The following NOL11 variants were observed in gnomAD, a reference collection of about 807,000 sequenced individuals.
NOL11 encodes nucleolar protein 11.
NOL11 carries 42 observed loss-of-function variants against 93.0 expected under a neutral mutation model. That is an observed-to-expected ratio of 0.45 (90% CI 0.35 to 0.58). The LOEUF is 0.58. NOL11 is among the 20% of genes least tolerant of loss of function. The pLI is 0.00. For synonymous variants in NOL11, 296 were observed against 293.7 expected, an observed-to-expected ratio of 1.01 and a Z score of -0.08; for missense variants, 775 against 841.8, an observed-to-expected ratio of 0.92 and a Z score of 0.98.
rs1053455681 is a variant in NOL11 at position 67,735,891 on chromosome 17, T to G, written c.931-9T>G. On this transcript the variant is annotated splice_polypyrimidine_tract_variant and intron_variant, in intron 8 of 17. Coordinates refer to ENST00000253247, the MANE Select transcript of NOL11 (RefSeq NM_015462.5). ...AATTTGCTTATGTTTTTGATAACTT[T>G]TTTTGTAGCTCTGGTATTATGGAGA... 2.0e-5 allele frequency: 32 copies of G among 1,597,716 alleles called. No homozygotes were observed. The highest frequency in any genetic ancestry group is 2.5e-5 in the Non-Finnish European group (29 of 1,174,774).
Position 67,724,072 on chromosome 17 carries a change from G to T in NOL11, c.543G>T (p.Val181=). 6.4e-7 allele frequency: 1 copy of T among 1,556,970 alleles called. No individual in the cohort carries two copies. The highest frequency in any genetic ancestry group is 8.6e-7 in the Non-Finnish European group (1 of 1,156,848). The change falls in exon 6 of 18, where the codon GTG becomes GTT. Residue 181 remains valine, a synonymous_variant. Coordinates refer to ENST00000253247, the MANE Select transcript of NOL11 (RefSeq NM_015462.5). ...TEKHGNYFAY[V]QMFNSRILTK... ...AGCATGGAAATTACTTTGCTTACGTGCAAATGTTTAACTCACGTATCTTAA... is the reference window on the plus strand; with the variant it reads ...AGCATGGAAATTACTTTGCTTACGTTCAAATGTTTAACTCACGTATCTTAA...
chr17:67,740,143 G>C (rs1185319063), intron 16 of NOL11, among the ~76,000 whole-genome samples: 1 of 151,916 alleles, frequency 6.6e-6, no homozygotes, highest in African/African-American at 2.4e-5. Flanking sequence ...GCTGAGGCAG[G>C]AGAACTGTTT....
Position 67,737,925 on chromosome 17 carries a change from T to G in NOL11, c.1482T>G (p.Pro494=), listed in dbSNP as rs2055218098. ...TACAACTCTGTCTACAGCAGTTCCCTGACATTCCTGAATCAGTCACCTGTG... is the reference window on the plus strand; with the variant it reads ...TACAACTCTGTCTACAGCAGTTCCCGGACATTCCTGAATCAGTCACCTGTG... ...QLLQLCLQQF[P]DIPESVTCAC... Residue 494 remains proline, a synonymous_variant, in exon 13 of 18, where the codon CCT becomes CCG. Coordinates refer to ENST00000253247, the MANE Select transcript of NOL11 (RefSeq NM_015462.5). 6.2e-7 allele frequency: 1 copy of G among 1,613,376 alleles called. No individual in the cohort carries two copies. The highest frequency in any genetic ancestry group is 1.1e-5 in the South Asian group (1 of 90,982).
rs201563517 is a variant in NOL11, at chr17:67,717,965, A to G, written c.18A>G (p.Glu6=). MAALE[E]EFTLSSVVLS... ...TGCTCAAAATGGCAGCGCTGGAGGAAGAATTCACGTTGTCTTCGGTAGTCC... is the reference window on the plus strand; with the variant it reads ...TGCTCAAAATGGCAGCGCTGGAGGAGGAATTCACGTTGTCTTCGGTAGTCC... The change falls in exon 1 of 18, where the codon GAA becomes GAG. Residue 6 remains glutamate, a synonymous_variant. Transcript: ENST00000253247. 1.9e-6 allele frequency: 3 copies of G among 1,614,058 alleles called. No homozygotes were observed. The highest frequency in any genetic ancestry group is 1.7e-6 in the Non-Finnish European group (2 of 1,180,012).
chr17:67,735,976 C>T lies in NOL11; in HGVS notation c.1007C>T (p.Ser336Leu). ...LTVIPYKCEV[S>L]SLAGALGKLK... is the part of the protein sequence containing the mutation. ...GTGATTCCATACAAGTGTGAAGTGT[C>T]ATCATTAGCAGGTGCTCTTGGAAAA... Residue 336 changes from serine to leucine, a missense_variant, in exon 9 of 18, where the codon TCA becomes TTA. By Grantham distance (145) the Ser-to-Leu change is moderately radical. This residue lies in a region of NOL11 where 416 missense variants were observed against 525.2 expected (regional missense o/e 0.79). Transcript: ENST00000253247. The T allele has an allele frequency of 6.2e-7, 1 of 1,611,194 alleles. No individual in the cohort carries two copies. The highest frequency in any genetic ancestry group is 1.3e-5 in the African/African-American group (1 of 74,868).
intron 1 of NOL11, chr17:67,719,179 A>T (rs2043198898): frequency 6.6e-6 from 1 of 152,072 alleles, no homozygotes; most frequent in Non-Finnish European, 1.5e-5. Flanking sequence ...TGGGTGGATC[A>T]CTTGAGGTCA....
chr17:67,743,547 G>A lies in NOL11; in HGVS notation c.2004G>A (p.Lys668=). 2 of 1,607,100 alleles carry A rather than the reference G, an allele frequency of 1.2e-6. No individual in the cohort carries two copies. Among genetic ancestry groups the A allele is most frequent in the South Asian group, 2.2e-5 (2 of 90,458 alleles). Residue 668 remains lysine, a synonymous_variant, in exon 17 of 18, where the codon AAG becomes AAA. Coordinates refer to ENST00000253247, the MANE Select transcript of NOL11 (RefSeq NM_015462.5). The stretch of plus-strand genomic sequence containing the variant: ...TTGTTGTAATGATGCCAGAAGCAAA[G>A]AGGCTACTGATAAATCTTTACAAGC... ...FTVVVMMPEA[K]RLLINLYKLV...
intron 7 of NOL11, among the ~76,000 whole-genome samples, chr17:67,733,000 T>C (rs2055168454): frequency 6.6e-6 from 1 of 152,164 alleles, no homozygotes; most frequent in Non-Finnish European, 1.5e-5. Context: ...AATCTTTTCC[T>C]GTGGATTCTT....
chr17:67,723,004 ACTTTTTT>A (rs1204739697), intron 5 of NOL11, among the ~76,000 whole-genome samples: 10 of 94,118 alleles, frequency 1.1e-4, no homozygotes, highest in Non-Finnish European at 1.8e-4. Context: ...AAATTTCAAA[ACTTTTTT>A]TTTTTTTTTT....
In NOL11 at chr17:67,719,730, A is replaced by G. The variant is rs752509672; in HGVS notation, c.198A>G (p.Thr66=). 4 of 1,610,882 alleles carry G rather than the reference A, an allele frequency of 2.5e-6. No homozygotes were observed. The highest frequency in any genetic ancestry group is 3.4e-6 in the Non-Finnish European group (4 of 1,179,142). Residue 66 remains threonine (T), a synonymous_variant, in exon 2 of 18, where the codon ACA becomes ACG. Transcript: ENST00000253247. ...SWSVKQGQII[T]CPAVCNFQTG... is the part of the protein sequence containing the mutation. ...CAGTGAAACAAGGTCAAATTATAAC[A>G]TGTCCAGCTGTGTGCAACTTTCAAA... is the stretch of plus-strand genomic sequence containing the variant.
At chr17:67,741,920 C>A (rs2055260308) in intron 16 of NOL11, among the ~76,000 whole-genome samples, 1 of 152,188 alleles carries the variant, frequency 6.6e-6, no homozygotes, top group African/African-American at 2.4e-5. Flanking sequence ...TGCCTCATTC[C>A]TTTTAACCAA....
intron 7 of NOL11, chr17:67,726,915 C>A (rs1599038798): frequency 3.7e-6 from 1 of 270,320 alleles, no homozygotes; most frequent in East Asian, 7.4e-5. Context: ...ATACTAGTCA[C>A]CATCATACTA....
intron 11 of NOL11, 135 bp from the exon 12 acceptor site, chr17:67,737,373 G>A: frequency 1.3e-6 from 1 of 758,714 alleles, no homozygotes; most frequent in Non-Finnish European, 2.1e-6. Flanking sequence ...ATTTAACTTT[G>A]CAGTGTCAGC....
Position 67,718,616 on chromosome 17 carries a change from G to T in NOL11, c.141+528G>T, listed in dbSNP as rs559569729. ...TTGTCTGTTGGCATCTCTGATTCAC[G>T]CTGGGAATCCTGGAGTTGAGTCCTG... On this transcript the variant is annotated intron_variant, in intron 1 of 17. Transcript: ENST00000253247. Among the ~76,000 whole-genome samples, 3 of 152,270 alleles carry T rather than the reference G, an allele frequency of 2.0e-5. No individual in the cohort carries two copies. The East Asian group carries it at 5.8e-4, about 29-fold the overall frequency.
chr17:67,730,620 T>C (rs1599041912), intron 7 of NOL11, among the ~76,000 whole-genome samples: 1 of 138,572 alleles, frequency 7.2e-6, no homozygotes, highest in East Asian at 2.1e-4. Flanking sequence ...GGGTCATGCG[T>C]TAATTCCATA....
At chr17:67,740,782 A>C (rs890474168) in intron 16 of NOL11, 48 of 154,638 alleles carry the variant, frequency 3.1e-4, no homozygotes, top group African/African-American at 1.1e-3. Flanking sequence ...CAGGCTCAAG[A>C]TCAACCATCC....
intron 3 of NOL11, among the ~76,000 whole-genome samples, chr17:67,720,691 G>A (rs1166603116): frequency 6.6e-6 from 1 of 152,176 alleles, no homozygotes; most frequent in Non-Finnish European, 1.5e-5. Flanking sequence ...TGATGACCTA[G>A]AGTGTGTTCA....
intron 16 of NOL11, 67 bp downstream of exon 16, chr17:67,739,675 T>A: frequency 1.0e-6 from 1 of 973,470 alleles, no homozygotes; most frequent in African/African-American, 1.7e-5. Context: ...GTATTCAAGG[T>A]CAGCACCTGC....
At chr17:67,721,630 CT>C in intron 4 of NOL11, 104 bp downstream of exon 4, 1 of 938,118 alleles carries the variant, frequency 1.1e-6, no homozygotes, top group South Asian at 1.7e-5. Flanking sequence ...TGAAAGTAAC[CT>C]AATTAAAAAT....
Sources: gnomAD v4.1 joint callset for allele counts (sites outside exome capture counted in the v4.1 genomes callset) on GRCh38, gnomAD v4.1.1 for gene constraint, gnomAD v4.1.1 regional missense constraint, MANE v1.5 for transcripts, NCBI Gene and HGNC (gene_info 2026-07-23, HGNC 2026-07-21) for gene names.